C1QTNF2: variants seen among roughly 807,000 people sequenced by gnomAD.
C1QTNF2 encodes the protein C1q and TNF related 2, also known as complement C1q tumor necrosis factor-related protein 2.
C1QTNF2 carries 15 observed loss-of-function variants against 17.4 expected under a neutral mutation model. The observed-to-expected ratio is 0.86, with a 90% CI of 0.58 to 1.33. The LOEUF (loss-of-function observed/expected upper bound fraction) is 1.33. Ranked by LOEUF, C1QTNF2 falls within the 40% of genes most tolerant of loss-of-function variation. C1QTNF2 has a pLI of 0.00. For missense variants in C1QTNF2, 381 were observed against 392.3 expected (o/e 0.97, Z 0.24); for synonymous variants, 154 against 163.3 (o/e 0.94, Z 0.44).
chr5:160,368,323 G>A (rs895365039), intron 1 of C1QTNF2, among the ~76,000 whole-genome samples: 1 of 152,150 alleles, frequency 6.6e-6, no homozygotes, highest in African/African-American at 2.4e-5. Context: ...CACAAGATCA[G>A]GAGTTTGAGA....
At chr5:160,351,619 TA>T (rs1763923973) in intron 2 of C1QTNF2, among the ~76,000 whole-genome samples, 5 of 152,254 alleles carry the variant, frequency 3.3e-5, no homozygotes, top group Admixed American at 3.3e-4. Context: ...CATATGTAAA[TA>T]TATAGAAAAA....
Position 160,347,755 on chromosome 5 carries a change from T to TTTTTTG in C1QTNF2, c.*1412_*1413insCAAAAA. ...TCAGTACCTGCGTTTTTGTTTTTGT[T>TTTTTTG]TTTTTTTTTTTTTTGTTTTTTTTTG... On this transcript the variant is annotated 3_prime_UTR_variant, in exon 3 of 3. Coordinates refer to ENST00000652664, the MANE Select transcript of C1QTNF2 (RefSeq NM_031908.6). 3.1e-3 allele frequency: 1 copy of TTTTTTG among 322 alleles called. No homozygotes were observed. Among genetic ancestry groups the TTTTTTG allele is most frequent in the African/African-American group, 0.031 (1 of 32 alleles). The allele number at this position is 322 out of a possible 1,614,324, so 0.0% of individuals were successfully genotyped here. A position where few individuals can be genotyped will look rare whatever the true frequency, so the allele number is the denominator to read the frequency against.
chr5:160,362,061 C>A (rs569795099), intron 1 of C1QTNF2, among the ~76,000 whole-genome samples: 21 of 152,286 alleles, frequency 1.4e-4, no homozygotes, highest in African/African-American at 2.4e-4. Context: ...TGTTGAATAA[C>A]CTTGAATGAA....
Position 160,354,814 on chromosome 5 carries a change from G to T in C1QTNF2, c.198C>A (p.Asp66Glu). 1 of 1,613,590 alleles carries T rather than the reference G, an allele frequency of 6.2e-7. No homozygotes were observed. The highest frequency in any genetic ancestry group is 8.5e-7 in the Non-Finnish European group (1 of 1,179,924). The change falls in exon 2 of 3, where the codon GAC becomes GAA. Residue 66 changes from aspartate to glutamate, a missense_variant. Transcript: ENST00000652664. ...GGTCGCCGTCGTGTCCATCTTGGCC[G>T]TCTTTGCCAGGAAAGCCCATTCGTC... ...MMGRMGFPGK[D>E]GQDGHDGDRG...
rs372395632 is a variant in C1QTNF2, at chr5:160,366,526, C to T, written c.-10+3986G>A. ...GCTGTTTCCCCATCTGTAAAGTGGC[C>T]GTAACAGTGACCCCGTGAGGAGCTG... On this transcript the variant is annotated intron_variant, in intron 1 of 2. Coordinates refer to ENST00000652664, the MANE Select transcript of C1QTNF2 (RefSeq NM_031908.6). Among the ~76,000 whole-genome samples the T allele has an allele frequency of 3.3e-5, 5 of 152,086 alleles. No homozygotes were observed. The East Asian group carries it at 9.6e-4, about 29-fold the overall frequency.
chr5:160,353,471 ATGAC>A (rs1344063430), intron 2 of C1QTNF2, among the ~76,000 whole-genome samples: 1 of 152,038 alleles, frequency 6.6e-6, no homozygotes, highest in Non-Finnish European at 1.5e-5. Context: ...GTCAGTCACA[ATGAC>A]TGACTGCCCC....
chr5:160,360,926 C>G (rs140021243), intron 1 of C1QTNF2, among the ~76,000 whole-genome samples: 2,066 of 152,066 alleles, frequency 0.014, 52 homozygotes, highest in African/African-American at 0.048. Flanking sequence ...CCCTGAGTAG[C>G]TGGGACTACA....
chr5:160,353,940 A>G (rs566382711), intron 2 of C1QTNF2, among the ~76,000 whole-genome samples: 1 of 151,738 alleles, frequency 6.6e-6, no homozygotes, highest in Non-Finnish European at 1.5e-5. Context: ...AGTAGCTGGG[A>G]TTACAGGCAT....
chr5:160,367,706 T>G (rs1764272171), intron 1 of C1QTNF2, among the ~76,000 whole-genome samples: 1 of 152,188 alleles, frequency 6.6e-6, no homozygotes, highest in Non-Finnish European at 1.5e-5. Flanking sequence ...GTCTGTGGTG[T>G]TGTCACGGTG....
intron 1 of C1QTNF2, among the ~76,000 whole-genome samples, chr5:160,360,941 C>G (rs112925641): frequency 1.3e-5 from 2 of 151,928 alleles, no homozygotes; most frequent in African/African-American, 2.4e-5. Context: ...ACTACAGGTG[C>G]GCACCACCAT....
intron 2 of C1QTNF2, among the ~76,000 whole-genome samples, 155 bp downstream of exon 2, chr5:160,354,600 ATATATATATATAT>A (rs1763998883): frequency 2.7e-4 from 16 of 59,276 alleles, no homozygotes; most frequent in Non-Finnish European, 4.5e-4. Flanking sequence ...AAAAAAAAGT[ATATATATATATAT>A]ATATATATAT....
intron 1 of C1QTNF2, among the ~76,000 whole-genome samples, chr5:160,366,829 G>T (rs930570823): frequency 7.5e-6 from 1 of 133,836 alleles, no homozygotes; most frequent in Non-Finnish European, 1.8e-5. Flanking sequence ...TTCGAGACCA[G>T]CCTGGACAAT....
chr5:160,354,798 C>A lies in C1QTNF2; in HGVS notation c.214G>T (p.Asp72Tyr), dbSNP rs778660931. 18 of 1,613,592 alleles carry A rather than the reference C, an allele frequency of 1.1e-5. No individual in the cohort carries two copies. The Admixed American group carries it at 3.0e-4, about 27-fold the overall frequency. ...FPGKDGQDGH[D>Y]GDRGDSGEEG... ...TCTCCGCTGTCCCCCCGGTCGCCGT[C>A]GTGTCCATCTTGGCCGTCTTTGCCA... is the stretch of plus-strand genomic sequence containing the variant. Residue 72 changes from aspartate (D) to tyrosine (Y), a missense_variant, in exon 2 of 3, where the codon GAC becomes TAC. Coordinates refer to ENST00000652664, the MANE Select transcript of C1QTNF2 (RefSeq NM_031908.6).
intron 2 of C1QTNF2, among the ~76,000 whole-genome samples, chr5:160,353,573 T>A (rs745432031): frequency 3.9e-4 from 59 of 152,058 alleles, no homozygotes; most frequent in Non-Finnish European, 7.5e-4. Context: ...AGGGAATTGG[T>A]CCAGGATACG....
chr5:160,350,089 T>C (rs990478828), intron 2 of C1QTNF2, among the ~76,000 whole-genome samples: 3 of 152,196 alleles, frequency 2.0e-5, no homozygotes, highest in African/African-American at 7.2e-5. Context: ...AATCCTTCCA[T>C]GGGCTGCGCT....
intron 1 of C1QTNF2, among the ~76,000 whole-genome samples, chr5:160,364,254 T>C (rs1017705532): frequency 8.5e-5 from 13 of 152,214 alleles, no homozygotes; most frequent in African/African-American, 3.1e-4. Flanking sequence ...GCATGGTGGC[T>C]TCCATAATAG....
At position 160,354,613 on chromosome 5, in the gene C1QTNF2, T is replaced by G. The variant is rs755475726; in HGVS notation, c.244+155A>C. Among the ~76,000 whole-genome samples the G allele has an allele frequency of 1.1e-4, 15 of 136,570 alleles. 1 individual carries two copies. The highest frequency in any genetic ancestry group is 4.2e-4 in the African/African-American group (15 of 35,594). The allele number at this position is 136,570 out of a possible 152,430, so 89.6% of individuals were successfully genotyped here. A position where few individuals can be genotyped will look rare whatever the true frequency, so the allele number is the denominator to read the frequency against. Reference sequence around the variant, plus strand: ...AAAAAAAAAAGTATATATATATATATATATATATATATATATATATAGATT... The same window carrying G: ...AAAAAAAAAAGTATATATATATATAGATATATATATATATATATATAGATT... On this transcript the variant is annotated intron_variant, in intron 2 of 2. Transcript: ENST00000652664.
At chr5:160,352,164 CT>C (rs1763936780) in intron 2 of C1QTNF2, among the ~76,000 whole-genome samples, 1 of 152,146 alleles carries the variant, frequency 6.6e-6, no homozygotes, top group Admixed American at 6.5e-5. Context: ...TTGCCTTGGC[CT>C]CCCAAACTGC....
At chr5:160,359,920 G>A (rs1318036558) in intron 1 of C1QTNF2, among the ~76,000 whole-genome samples, 1 of 152,038 alleles carries the variant, frequency 6.6e-6, no homozygotes, top group Non-Finnish European at 1.5e-5. Context: ...GCTCCTCCCT[G>A]GCTCCCTCGG....
Sources: gnomAD v4.1 joint callset for allele counts (sites outside exome capture counted in the v4.1 genomes callset) on GRCh38, gnomAD v4.1.1 for gene constraint, MANE v1.5 for transcripts, NCBI Gene and HGNC (gene_info 2026-07-23, HGNC 2026-07-21) for gene names.